The following CADPS variants were observed in gnomAD, a reference collection of about 807,000 sequenced individuals.
The protein encoded by CADPS is calcium-dependent secretion activator 1.
In CADPS, 57 loss-of-function variants were observed where a neutral mutation model predicts 167.3. The observed-to-expected ratio is 0.34, with a 90% CI of 0.28 to 0.42. The LOEUF (loss-of-function observed/expected upper bound fraction) is 0.42. CADPS is among the 20% of genes least tolerant of loss of function. The pLI is 1.00. For synonymous variants in CADPS, 676 were observed against 635.3 expected (o/e 1.06, Z -0.96); for missense variants, 1,414 against 1,738.1 (o/e 0.81, Z 3.32).
intron 1 of CADPS, among the ~76,000 whole-genome samples, chr3:62,772,415 C>T (rs2089121561): frequency 1.3e-5 from 2 of 152,124 alleles, no homozygotes; most frequent in Non-Finnish European, 2.9e-5. Context: ...TGAAAATGAA[C>T]ATACTTGGTG....
rs374035152 is a variant in CADPS, at chr3:62,518,209, C to G, written c.2333G>C (p.Arg778Pro). The change falls in exon 14 of 30, where the codon CGT becomes CCT. Residue 778 changes from arginine to proline, a missense_variant. This residue lies in a region of CADPS where 529 missense variants were observed against 629.6 expected (regional missense o/e 0.84). Transcript: ENST00000383710. Reference sequence around the variant, plus strand: ...GAGCCTCTCTTTGATTTCTTCAAAACGTTCCTTTTCTTCAACAGTCACAGT... The same window carrying G: ...GAGCCTCTCTTTGATTTCTTCAAAAGGTTCCTTTTCTTCAACAGTCACAGT... ...IGTVTVEEKERFEEIKERLRV... is the reference protein window; with the variant it reads ...IGTVTVEEKEPFEEIKERLRV... 6.2e-7 allele frequency: 1 copy of G among 1,612,860 alleles called. No individual in the cohort carries two copies. Among genetic ancestry groups the G allele is most frequent in the South Asian group, 1.1e-5 (1 of 91,036 alleles).
Position 62,875,021 on chromosome 3 carries a change from G to A in CADPS, c.9C>T (p.Asp3=), listed in dbSNP as rs2153228764. 6.3e-7 allele frequency: 1 copy of A among 1,592,570 alleles called. No homozygotes were observed. Among genetic ancestry groups the A allele is most frequent in the Non-Finnish European group, 8.6e-7 (1 of 1,169,352 alleles). Residue 3 remains aspartate, a synonymous_variant, in exon 1 of 30, where the codon GAC becomes GAT. Transcript: ENST00000383710. ML[D]PSSSEEESDE... is the part of the protein sequence containing the mutation. ...CCGATTCTTCTTCGCTGGACGAAGGGTCCAGCATAGTGGCGCCTGGGGAGC... is the reference window on the plus strand; with the variant it reads ...CCGATTCTTCTTCGCTGGACGAAGGATCCAGCATAGTGGCGCCTGGGGAGC...
At chr3:62,474,967 T>C (rs1051203770) in intron 23 of CADPS, among the ~76,000 whole-genome samples, 1 of 152,188 alleles carries the variant, frequency 6.6e-6, no homozygotes, top group Non-Finnish European at 1.5e-5. Context: ...AGGTGTGGTA[T>C]TGGGGGACTT....
chr3:62,586,956 AG>A (rs2084781227), intron 7 of CADPS, among the ~76,000 whole-genome samples: 1 of 152,246 alleles, frequency 6.6e-6, no homozygotes, highest in African/African-American at 2.4e-5. Flanking sequence ...ACATATATTT[AG>A]GGCAAGGTAC....
At chr3:62,501,491 T>C (rs1198378909) in intron 17 of CADPS, among the ~76,000 whole-genome samples, 1 of 152,180 alleles carries the variant, frequency 6.6e-6, no homozygotes, top group East Asian at 1.9e-4. Flanking sequence ...ATCCTATGCT[T>C]ATTACCCATT....
chr3:62,733,443 A>G (rs2078339873), intron 3 of CADPS, among the ~76,000 whole-genome samples: 1 of 152,340 alleles, frequency 6.6e-6, no homozygotes, highest in Non-Finnish European at 1.5e-5. Flanking sequence ...AAAGTTAATG[A>G]GAAATAATCT....
At chr3:62,520,564 C>T (rs907059988) in intron 13 of CADPS, among the ~76,000 whole-genome samples, 4 of 152,146 alleles carry the variant, frequency 2.6e-5, no homozygotes, top group Non-Finnish European at 5.9e-5. Context: ...TCACCTATGT[C>T]AGCGCGACAA....
Position 62,544,588 on chromosome 3 carries a change from G to T in CADPS, c.1966+5315C>A, listed in dbSNP as rs749475184. On this transcript the variant is annotated intron_variant, in intron 11 of 29. Transcript: ENST00000383710. The surrounding 1 kb of genome is among the most constrained non-coding windows in gnomAD (Gnocchi z 4.4). ...TTCTTGGAATGAAAAAAAATTAGAC[G>T]TTAATGGTTGGCTTTACTCAGAGGA... Among the ~76,000 whole-genome samples, 3 of 152,064 alleles carry T rather than the reference G, an allele frequency of 2.0e-5. No individual in the cohort carries two copies. Among genetic ancestry groups the T allele is most frequent in the Non-Finnish European group, 4.4e-5 (3 of 68,000 alleles).
At chr3:62,646,516 C>G (rs954491171) in intron 5 of CADPS, among the ~76,000 whole-genome samples, 3 of 152,132 alleles carry the variant, frequency 2.0e-5, no homozygotes, top group African/African-American at 2.4e-5. Context: ...TGGTTCAGCA[C>G]TTTAAAGAGC....
At chr3:62,523,124 A>G (rs1280223863) in intron 13 of CADPS, among the ~76,000 whole-genome samples, 1 of 151,760 alleles carries the variant, frequency 6.6e-6, no homozygotes, top group Non-Finnish European at 1.5e-5. Context: ...TGTCATCTTC[A>G]CTCTCCTCAC....
At chr3:62,505,185 T>C (rs931194212) in intron 17 of CADPS, among the ~76,000 whole-genome samples, 1 of 152,132 alleles carries the variant, frequency 6.6e-6, no homozygotes, top group Non-Finnish European at 1.5e-5. Context: ...GCCAAAAACA[T>C]GCAAGGTTGA....
Position 62,466,373 on chromosome 3 carries a change from G to A in CADPS, c.3518C>T (p.Thr1173Ile). The A allele has an allele frequency of 6.2e-7, 1 of 1,611,986 alleles. No individual in the cohort carries two copies. Among genetic ancestry groups the A allele is most frequent in the South Asian group, 1.1e-5 (1 of 90,996 alleles). ...CAAGAGTGTTATCATTTCTTTAACA[G>A]TTTCTTCAATTAGTTCGTCTATTTT... ...HSKIDELIEETVKEMITLLVA... is the reference protein window; with the variant it reads ...HSKIDELIEEIVKEMITLLVA... Residue 1173 changes from threonine (T) to isoleucine (I), a missense_variant, in exon 25 of 30, where the codon ACT becomes ATT. Coordinates refer to ENST00000383710, the MANE Select transcript of CADPS (RefSeq NM_003716.4).
chr3:62,676,621 C>T (rs918925815), intron 3 of CADPS, among the ~76,000 whole-genome samples: 5 of 152,022 alleles, frequency 3.3e-5, no homozygotes, highest in South Asian at 4.2e-4. Context: ...TTATTATTGT[C>T]GGTGTTGATG....
At chr3:62,729,964 C>T (rs2077460793) in intron 3 of CADPS, among the ~76,000 whole-genome samples, 1 of 151,788 alleles carries the variant, frequency 6.6e-6, no homozygotes, top group South Asian at 2.1e-4. Context: ...AAACTTTTGG[C>T]ATAAAGCATT....
intron 3 of CADPS, among the ~76,000 whole-genome samples, chr3:62,731,376 T>C (rs1575588635): frequency 6.6e-6 from 1 of 151,932 alleles, no homozygotes; most frequent in South Asian, 2.1e-4. Context: ...ACTTTGGAGG[T>C]ATAAAGAAGT....
rs1202358977 is a variant in CADPS, at chr3:62,491,493, A to T, written c.2885-13T>A. The T allele has an allele frequency of 6.2e-7, 1 of 1,612,796 alleles. No homozygotes were observed. The highest frequency in any genetic ancestry group is 1.7e-5 in the Admixed American group (1 of 59,870). On this transcript the variant is annotated splice_polypyrimidine_tract_variant and intron_variant, in intron 20 of 29. Coordinates refer to ENST00000383710, the MANE Select transcript of CADPS (RefSeq NM_003716.4). ...TTGCACAAATTATCTAGAACAGATA[A>T]GCAAAAGCTTGTTAAGAACCCACAG...
Position 62,842,531 on chromosome 3 carries a change from A to G in CADPS, c.441+32058T>C, listed in dbSNP as rs889629502. On this transcript the variant is annotated intron_variant, in intron 1 of 29. Coordinates refer to ENST00000383710, the MANE Select transcript of CADPS (RefSeq NM_003716.4). ...TGCCTCAATTATCCATTTAATCACC[A>G]TATTAACAATAACGATAATCAAAGT... 1.1e-4 allele frequency among the ~76,000 whole-genome samples: 17 copies of G among 152,346 alleles called. 2 individuals carry two copies. The South Asian group carries it at 2.3e-3, about 20-fold the overall frequency.
intron 3 of CADPS, among the ~76,000 whole-genome samples, chr3:62,666,162 T>C (rs969191797): frequency 2.6e-5 from 4 of 152,152 alleles, no homozygotes; most frequent in African/African-American, 9.7e-5. Flanking sequence ...TGTCTCCCAC[T>C]TTCTCTGGGG....
Position 62,499,261 on chromosome 3 carries a change from T to C in CADPS, c.2607A>G (p.Val869=), listed in dbSNP as rs1384691542. The C allele has an allele frequency of 1.9e-6, 3 of 1,608,870 alleles. No individual in the cohort carries two copies. The highest frequency in any genetic ancestry group is 2.6e-6 in the Non-Finnish European group (3 of 1,175,382). ...IEENQKDAEN[V]GRLITPAKKL... Reference sequence around the variant, plus strand: ...TTTTGGCAGGAGTGATTAACCGGCCTACATTTTCTGTAGTACAAGAGTTTG... The same window carrying C: ...TTTTGGCAGGAGTGATTAACCGGCCCACATTTTCTGTAGTACAAGAGTTTG... The change falls in exon 18 of 30, where the codon GTA becomes GTG. Residue 869 remains valine, a synonymous_variant. Coordinates refer to ENST00000383710, the MANE Select transcript of CADPS (RefSeq NM_003716.4).
Sources: allele counts gnomAD v4.1 joint callset (sites outside exome capture counted in the v4.1 genomes callset), GRCh38; gene constraint gnomAD v4.1.1; regional missense constraint gnomAD v4.1.1; non-coding constraint Gnocchi (gnomAD v3.1); transcripts MANE v1.5; gene names NCBI Gene and HGNC (gene_info 2026-07-23, HGNC 2026-07-21).